Variants in ZNF248 observed in about 807,000 individuals in gnomAD.
ZNF248 encodes the protein KRAB protein domain.
In ZNF248, 20 loss-of-function variants were observed where a neutral mutation model predicts 44.3. The ratio of observed to expected loss-of-function variants is 0.45; its 90% confidence interval spans 0.32 to 0.66. ZNF248 has a LOEUF of 0.66. Ranked by LOEUF, ZNF248 falls within the 30% of genes least tolerant of loss-of-function variation. ZNF248 has a pLI of 0.04. For synonymous variants in ZNF248, 224 were observed against 229.0 expected, an observed-to-expected ratio of 0.98 and a Z score of 0.20; for missense variants, 654 against 677.0, an observed-to-expected ratio of 0.97 and a Z score of 0.38.
chr10:37,770,724 T>C, the ZNF248 span, among the ~76,000 whole-genome samples: 1 of 152,250 alleles, frequency 6.6e-6, no homozygotes, highest in Non-Finnish European at 1.5e-5. Context: ...AAGGACTTCA[T>C]GTCTAAAACA....
chr10:37,761,089 T>C, the ZNF248 span, among the ~76,000 whole-genome samples: 6 of 152,298 alleles, frequency 3.9e-5, no homozygotes, highest in Admixed American at 3.9e-4. Context: ...ATATGGTAAC[T>C]TTTTCATGTA....
chr10:37,823,930 T>C (rs139449244), downstream of ZNF248, among the ~76,000 whole-genome samples: 1 of 151,852 alleles, frequency 6.6e-6, no homozygotes. Context: ...TGAAAAAAAA[T>C]ATGTAAAGGC....
chr10:37,773,636 C>T (rs935477727), downstream of ZNF248, among the ~76,000 whole-genome samples: 6 of 152,072 alleles, frequency 3.9e-5, no homozygotes, highest in Non-Finnish European at 8.8e-5. Flanking sequence ...CTTCTGAGGC[C>T]CCTCTCCTTG....
chr10:37,823,644 G>A (rs2053867076), intron 6 of ZNF248, among the ~76,000 whole-genome samples: 1 of 151,938 alleles, frequency 6.6e-6, no homozygotes, highest in Non-Finnish European at 1.5e-5. Context: ...CACGATCTCG[G>A]CTCACTGCAA....
Position 37,822,374 on chromosome 10 carries a change from AT to A in ZNF248, c.330+10650del, listed in dbSNP as rs2053617849. 2.6e-5 allele frequency among the ~76,000 whole-genome samples: 4 copies of A among 152,298 alleles called. 1 individual carries two copies. In the South Asian group the frequency reaches 6.2e-4, roughly 24 times the overall value. Reference sequence around the variant, plus strand: ...CATGACTGTTTTCCCAGGTTGCAAAATACATCAACTTGGAAAAACTATATAT... The same window carrying A: ...CATGACTGTTTTCCCAGGTTGCAAAAACATCAACTTGGAAAAACTATATAT... On this transcript the variant is annotated intron_variant, in intron 6 of 6. Transcript: ENST00000615949.
the ZNF248 span, among the ~76,000 whole-genome samples, chr10:37,761,555 A>AT: frequency 6.6e-6 from 1 of 152,188 alleles, no homozygotes; most frequent in African/African-American, 2.4e-5. Flanking sequence ...TTTCCAAGTG[A>AT]TTTTCTTGTG....
chr10:37,764,435 T>G, the ZNF248 span, among the ~76,000 whole-genome samples: 11 of 152,230 alleles, frequency 7.2e-5, no homozygotes, highest in African/African-American at 2.7e-4. Context: ...TCCTGTGATT[T>G]CGCCCTGCCT....
At chr10:37,765,997 G>A in the ZNF248 span, among the ~76,000 whole-genome samples, 1 of 152,280 alleles carries the variant, frequency 6.6e-6, no homozygotes, top group Non-Finnish European at 1.5e-5. Context: ...CGCCCACGGA[G>A]TCTCACTGAT....
chr10:37,765,533 G>T, the ZNF248 span, among the ~76,000 whole-genome samples: 1 of 152,090 alleles, frequency 6.6e-6, no homozygotes, highest in Middle Eastern at 3.2e-3. Context: ...AACAACAAAG[G>T]TCAGATTTCA....
upstream of ZNF248, chr10:37,857,704 C>G (rs964333236): frequency 6.6e-6 from 1 of 152,342 alleles, no homozygotes; most frequent in East Asian, 1.9e-4. Flanking sequence ...GCTACGCACG[C>G]GCGTGCTGTC....
chr10:37,833,901 G>A (rs2056537556), intron 5 of ZNF248, among the ~76,000 whole-genome samples: 1 of 152,062 alleles, frequency 6.6e-6, no homozygotes, highest in Non-Finnish European at 1.5e-5. Context: ...AGGAAATAGA[G>A]TGAGTGGTAG....
chr10:37,824,699 T>TTTTTTTTTTTTTTA (rs2054081766), downstream of ZNF248, among the ~76,000 whole-genome samples: 1 of 137,170 alleles, frequency 7.3e-6, no homozygotes. Context: ...TTTTTTTTTT[T>TTTTTTTTTTTTTTA]GAGACGGAGT....
Position 37,832,777 on chromosome 10 carries a change from T to C in ZNF248, c.578A>G (p.Asp193Gly). ...IPIGEKSYKY[D>G]QKRNAINYHQ... ...ATAATTAATGGCATTCCTTTTTTGA[T>C]CATATTTATAAGACTTCTCTCCAAT... The change falls in exon 6 of 6, where the codon GAT becomes GGT. Residue 193 changes from aspartate (D) to glycine (G), a missense_variant. By Grantham distance (94) the Asp-to-Gly change is moderately conservative. Transcript: ENST00000395867. The C allele has an allele frequency of 6.2e-7, 1 of 1,613,726 alleles. No individual in the cohort carries two copies. Among genetic ancestry groups the C allele is most frequent in the Non-Finnish European group, 8.5e-7 (1 of 1,179,828 alleles).
intron 5 of ZNF248, among the ~76,000 whole-genome samples, chr10:37,833,351 T>A (rs948728038): frequency 1.3e-5 from 2 of 152,150 alleles, no homozygotes; most frequent in Admixed American, 6.6e-5. Context: ...TAACACTTTA[T>A]AAATATAACC....
At chr10:37,819,149 T>C (rs1447263835) in intron 6 of ZNF248, 1 of 786,030 alleles carries the variant, frequency 1.3e-6, no homozygotes, top group African/African-American at 1.7e-5. Flanking sequence ...TTTGAGGTCA[T>C]AGTGTATGAT....
At chr10:37,837,957 T>C (rs762996213) in intron 4 of ZNF248, 28 bp downstream of exon 4, 2 of 1,608,554 alleles carry the variant, frequency 1.2e-6, no homozygotes, top group South Asian at 1.1e-5. Flanking sequence ...ATGCTATTGA[T>C]AGCCATGTGC....
Position 37,784,112 on chromosome 10 carries a change from C to T in ZNF248, c.331-7537G>A, listed in dbSNP as rs11598695. On this transcript the variant is annotated intron_variant, in intron 6 of 6. Transcript: ENST00000615949. ...TATAGGCGTGAGCCACTGTGCCCAG[C>T]CTCCCAAAGAGGTGTCTATGCATTT... is the stretch of plus-strand genomic sequence containing the variant. 9.3e-3 allele frequency: 1,425 copies of T among 152,568 alleles called. 8 individuals are homozygous for T. The highest frequency in any genetic ancestry group is 0.02 in the Middle Eastern group (6 of 298). The allele number at this position is 152,568 out of a possible 1,614,324, so 9.5% of individuals were successfully genotyped here.
intron 3 of ZNF248, 25 bp from the exon 4 acceptor site, chr10:37,838,136 T>G (rs754289751): frequency 6.3e-7 from 1 of 1,599,588 alleles, no homozygotes; most frequent in South Asian, 1.1e-5. Context: ...TCTTTTTACA[T>G]GAAATGGTCA....
chr10:37,791,817 A>T (rs2048583842), intron 6 of ZNF248: 1 of 152,264 alleles, frequency 6.6e-6, no homozygotes, highest in Non-Finnish European at 1.5e-5. Context: ...AGCAGTGACT[A>T]CTGCAGCTAT....
Sources: allele counts gnomAD v4.1 joint callset (sites outside exome capture counted in the v4.1 genomes callset), GRCh38; gene constraint gnomAD v4.1.1; transcripts MANE v1.5; gene names NCBI Gene and HGNC (gene_info 2026-07-23, HGNC 2026-07-21).